GLIS3: variants seen among roughly 807,000 people sequenced by gnomAD.
GLIS3 encodes zinc finger protein GLIS3.
A neutral mutation model predicts 78.6 loss-of-function variants in GLIS3; 53 were observed. The observed-to-expected ratio is 0.67, with a 90% CI of 0.54 to 0.85. The LOEUF (loss-of-function observed/expected upper bound fraction) is 0.85, where lower values mean the gene tolerates loss of function less well. GLIS3 is among the 40% of genes least tolerant of loss of function. The pLI, the probability that GLIS3 is intolerant of heterozygous loss-of-function variation, is 0.00. For synonymous variants in GLIS3, 684 were observed against 509.9 expected (o/e 1.34, Z -4.60); for missense variants, 1,703 against 1,231.1 (o/e 1.38, Z -5.74).
chr9:4,143,115 G>A (rs1306468408), intron 2 of GLIS3, among the ~76,000 whole-genome samples: 1 of 152,048 alleles, frequency 6.6e-6, no homozygotes, highest in Non-Finnish European at 1.5e-5. Context: ...AGCAGAAACT[G>A]TGTAAATGTA....
At position 4,118,305 on chromosome 9, in the gene GLIS3, C is replaced by T. The variant is rs556066020; in HGVS notation, c.1173G>A (p.Glu391=). ...GCTCCAGCTGTTGCATGCGCTCGTG[C>T]TCCAGGGCCCCGTCCTCGCCGTAGG... is the stretch of plus-strand genomic sequence containing the variant. ...LPAYGEDGAL[E]HERMQQLEHG... The change falls in exon 4 of 11, where the codon GAG becomes GAA. Residue 391 remains glutamate (E), a synonymous_variant. Transcript: ENST00000381971. This position sits in a 1 kb window ranked among gnomAD's most constrained non-coding sequence, Gnocchi z 4.7. 8 of 1,577,364 alleles carry T rather than the reference C, an allele frequency of 5.1e-6. No homozygotes were observed. The Admixed American group carries it at 5.4e-5, about 11-fold the overall frequency.
chr9:3,828,160 G>T lies in GLIS3; in HGVS notation c.*112C>A. ...CTGAAAGAACATCAGTAACTCTGCA[G>T]GGCCCGCTGATTGGGCTGACATCCT... is the stretch of plus-strand genomic sequence containing the variant. On this transcript the variant is annotated 3_prime_UTR_variant, in exon 11 of 11. Transcript: ENST00000381971. 8.0e-7 allele frequency: 1 copy of T among 1,251,376 alleles called. No individual in the cohort carries two copies. The highest frequency in any genetic ancestry group is 2.3e-5 in the East Asian group (1 of 42,942). The allele number at this position is 1,251,376 out of a possible 1,614,324, so 77.5% of individuals were successfully genotyped here.
chr9:4,198,390 C>A (rs910343750), intron 2 of GLIS3, among the ~76,000 whole-genome samples: 2 of 152,064 alleles, frequency 1.3e-5, no homozygotes, highest in Non-Finnish European at 2.9e-5. Context: ...GTAGAAAACT[C>A]ACTTAAGGAA....
chr9:3,892,339 C>G (rs1490240857), intron 7 of GLIS3, among the ~76,000 whole-genome samples: 1 of 152,184 alleles, frequency 6.6e-6, no homozygotes, highest in Non-Finnish European at 1.5e-5. Context: ...GAATCAATGC[C>G]TGCTGTAAAG....
intron 4 of GLIS3, chr9:4,071,515 G>C (rs1245898503): frequency 6.6e-6 from 1 of 152,186 alleles, no homozygotes; most frequent in Admixed American, 6.5e-5. Context: ...CCATGACCTT[G>C]AAAACTCCAT....
intron 4 of GLIS3, among the ~76,000 whole-genome samples, chr9:3,982,266 A>C (rs561784800): frequency 1.3e-5 from 2 of 151,876 alleles, no homozygotes; most frequent in East Asian, 3.9e-4. Context: ...TCATCTGACT[A>C]CACTGCCTCT....
At chr9:4,039,523 C>T (rs1311752254) in intron 4 of GLIS3, among the ~76,000 whole-genome samples, 1 of 152,142 alleles carries the variant, frequency 6.6e-6, no homozygotes, top group Non-Finnish European at 1.5e-5. Context: ...CACAGGACGG[C>T]AGCCTCAAAA....
intron 8 of GLIS3, among the ~76,000 whole-genome samples, chr9:3,857,666 A>G (rs753343742): frequency 2.6e-5 from 4 of 152,230 alleles, no homozygotes; most frequent in Non-Finnish European, 5.9e-5. Flanking sequence ...GATCATTTAC[A>G]TCTTCATTCT....
chr9:4,226,239 T>C (rs1821758361), intron 2 of GLIS3, among the ~76,000 whole-genome samples: 1 of 152,196 alleles, frequency 6.6e-6, no homozygotes, highest in Non-Finnish European at 1.5e-5. Context: ...AGAAGTAAAC[T>C]GACCTCTTGC....
intron 1 of GLIS3, among the ~76,000 whole-genome samples, chr9:4,295,529 T>C (rs936142944): frequency 1.3e-5 from 2 of 152,154 alleles, no homozygotes; most frequent in African/African-American, 4.8e-5. Context: ...AGAGTGCATA[T>C]TGAATTATTC....
At chr9:4,423,113 G>T in the GLIS3 span, among the ~76,000 whole-genome samples, 1 of 151,946 alleles carries the variant, frequency 6.6e-6, no homozygotes, top group Non-Finnish European at 1.5e-5. Flanking sequence ...AAGGTCAGGG[G>T]ACCCTCCCTA....
At chr9:4,243,297 G>C (rs1224684394) in intron 2 of GLIS3, among the ~76,000 whole-genome samples, 5 of 152,194 alleles carry the variant, frequency 3.3e-5, no homozygotes, top group Non-Finnish European at 7.3e-5. Context: ...CAGTCAGAGT[G>C]ATTGAGGTGA....
chr9:3,985,832 T>C (rs1406776977), intron 4 of GLIS3, among the ~76,000 whole-genome samples: 1 of 152,250 alleles, frequency 6.6e-6, no homozygotes, highest in Non-Finnish European at 1.5e-5. Flanking sequence ...AATTTTGTGA[T>C]GGAACAATCT....
At chr9:4,468,135 T>G in the GLIS3 span, among the ~76,000 whole-genome samples, 2,307 of 152,334 alleles carry the variant, frequency 0.015, 57 homozygotes, top group African/African-American at 0.054. Flanking sequence ...AATATGGGAC[T>G]ATGTGAAAAG....
chr9:3,899,073 T>C, intron 6 of GLIS3: 1 of 563,550 alleles, frequency 1.8e-6, no homozygotes, highest in Non-Finnish European at 3.2e-6. Context: ...ACTTCAGTCC[T>C]TGATATTTCC....
intron 4 of GLIS3, among the ~76,000 whole-genome samples, chr9:4,005,747 G>A (rs749603059): frequency 2.6e-5 from 4 of 152,194 alleles, no homozygotes; most frequent in Non-Finnish European, 4.4e-5. Context: ...CCAACAGAAT[G>A]AATTCATGAT....
the GLIS3 span, among the ~76,000 whole-genome samples, chr9:4,361,407 T>G: frequency 6.6e-6 from 1 of 152,158 alleles, no homozygotes; most frequent in Non-Finnish European, 1.5e-5. Flanking sequence ...CTTCTCTTAC[T>G]CCCCTAAAGA....
intron 2 of GLIS3, among the ~76,000 whole-genome samples, chr9:4,279,818 C>T (rs1456919375): frequency 6.6e-6 from 1 of 151,064 alleles, no homozygotes; most frequent in Non-Finnish European, 1.5e-5. Flanking sequence ...CCTGAGAATA[C>T]CACAGACAAT....
intron 3 of GLIS3, among the ~76,000 whole-genome samples, chr9:4,121,706 G>A (rs1229552611): frequency 6.6e-6 from 1 of 150,466 alleles, no homozygotes; most frequent in Non-Finnish European, 1.5e-5. Flanking sequence ...TGCTTGATAG[G>A]CAGTGACCTA....
Sources: allele counts gnomAD v4.1 joint callset (sites outside exome capture counted in the v4.1 genomes callset), GRCh38; gene constraint gnomAD v4.1.1; non-coding constraint Gnocchi (gnomAD v3.1); transcripts MANE v1.5; gene names NCBI Gene and HGNC (gene_info 2026-07-23, HGNC 2026-07-21).